Variants in NNT observed in about 807,000 individuals in gnomAD.
The protein encoded by NNT is NAD(P) transhydrogenase, mitochondrial.
Under a neutral mutation model 104.8 loss-of-function variants are expected in NNT, and 50 were observed. The observed-to-expected ratio is 0.48, with a 90% confidence interval of 0.38 to 0.60. The LOEUF is 0.60. Ranked by LOEUF, NNT falls within the 20% of genes least tolerant of loss-of-function variation. NNT has a pLI of 0.00. For synonymous variants in NNT, 461 were observed against 490.4 expected, an observed-to-expected ratio of 0.94 and a Z score of 0.79; for missense variants, 1,131 against 1,330.7, an observed-to-expected ratio of 0.85 and a Z score of 2.33.
Position 43,659,181 on chromosome 5 carries a change from T to C in NNT, c.2465T>C (p.Leu822Ser), listed in dbSNP as rs1438826441. 5 of 1,605,544 alleles carry C rather than the reference T, an allele frequency of 3.1e-6. No homozygotes were observed. Among genetic ancestry groups the C allele is most frequent in the Non-Finnish European group, 4.3e-6 (5 of 1,176,190 alleles). The change falls in exon 17 of 22, where the codon TTG becomes TCG. Residue 822 changes from leucine to serine, a missense_variant. Transcript: ENST00000344920. The part of the protein sequence containing the change: ...SALSAVMGVT[L>S]TAAIGGADMP... ...TGATTGTTGTTCTAGGGTGTGACTT[T>C]GACAGCTGCTATTGGGGGTGCTGAC...
At position 43,607,608 on chromosome 5, in the gene NNT, C is replaced by A. The variant is rs182089863; in HGVS notation, c.-53-1535C>A. Among the ~76,000 whole-genome samples the A allele has an allele frequency of 4.6e-3, 698 of 152,262 alleles. 20 individuals are homozygous for A. The highest frequency in any genetic ancestry group is 0.043 in the Admixed American group (654 of 15,298). ...CTCTTCACACGGACGTGCATAACAA[C>A]GCCCGGCTAATTTTTTGTATTTTTA... On this transcript the variant is annotated intron_variant, in intron 1 of 21. Coordinates refer to ENST00000344920, the MANE Select transcript of NNT (RefSeq NM_182977.3).
intron 7 of NNT, among the ~76,000 whole-genome samples, 189 bp from the exon 8 acceptor site, chr5:43,644,003 T>C (rs1222584199): frequency 6.6e-6 from 1 of 152,240 alleles, no homozygotes; most frequent in Non-Finnish European, 1.5e-5. Context: ...CTGCCTTTGC[T>C]GCTCACACTC....
intron 19 of NNT, among the ~76,000 whole-genome samples, chr5:43,679,705 G>A (rs921564569): frequency 2.6e-5 from 4 of 152,092 alleles, no homozygotes; most frequent in Admixed American, 6.6e-5. Flanking sequence ...CAGTGCTTGG[G>A]AAGAGTAATT....
chr5:43,689,355 T>A (rs187902644), intron 19 of NNT, among the ~76,000 whole-genome samples: 199 of 152,348 alleles, frequency 1.3e-3, no homozygotes, highest in South Asian at 0.01. Flanking sequence ...TGAACTCTGT[T>A]GATTATTATT....
intron 6 of NNT, 50 bp from the exon 7 acceptor site, chr5:43,628,149 CT>C (rs1750464309): frequency 8.7e-6 from 12 of 1,378,822 alleles, no homozygotes; most frequent in Admixed American, 5.2e-5. Context: ...ATCTTGACTT[CT>C]TTATTAGGGC....
intron 17 of NNT, among the ~76,000 whole-genome samples, chr5:43,664,764 C>G (rs55949408): frequency 0.072 from 10,977 of 152,038 alleles, 531 homozygotes; most frequent in Non-Finnish European, 0.11. Context: ...AGAGAAAGAA[C>G]CAAAACAAAA....
chr5:43,645,481 C>G lies in NNT; in HGVS notation c.1415C>G (p.Thr472Arg). ...KAATITPFRK[T>R]MSTASAYTAG... The stretch of plus-strand genomic sequence containing the variant: ...GCTACCATTACACCCTTCAGGAAGA[C>G]AATGTCAACGGCTTCTGCATATACA... Residue 472 changes from threonine to arginine, a missense_variant, in exon 10 of 22, where the codon ACA (threonine) becomes AGA (arginine). Transcript: ENST00000344920. 6.4e-7 allele frequency: 1 copy of G among 1,565,322 alleles called. No homozygotes were observed. Among genetic ancestry groups the G allele is most frequent in the Non-Finnish European group, 8.7e-7 (1 of 1,154,528 alleles).
chr5:43,685,095 A>C (rs1314345826), intron 19 of NNT, among the ~76,000 whole-genome samples: 1 of 152,236 alleles, frequency 6.6e-6, no homozygotes, highest in Non-Finnish European at 1.5e-5. Flanking sequence ...TTCCTACCTT[A>C]AGAAGCAGTT....
chr5:43,603,733 T>C (rs2111726634), intron 1 of NNT, among the ~76,000 whole-genome samples: 1 of 151,910 alleles, frequency 6.6e-6, no homozygotes, highest in East Asian at 1.9e-4. Flanking sequence ...GGGCGGTTCA[T>C]CCAGAGAGGT....
chr5:43,633,230 C>G (rs901892784), intron 7 of NNT, among the ~76,000 whole-genome samples: 8 of 152,304 alleles, frequency 5.3e-5, no homozygotes, highest in South Asian at 2.1e-4. Context: ...TAGTCTCCCA[C>G]TCCCCAATTA....
At chr5:43,701,102 T>C (rs1216318323) in intron 20 of NNT, among the ~76,000 whole-genome samples, 3 of 152,208 alleles carry the variant, frequency 2.0e-5, no homozygotes, top group Non-Finnish European at 4.4e-5. Context: ...TTTATTTTTA[T>C]GTATTTTTTT....
chr5:43,690,597 A>G (rs915859477), intron 19 of NNT, among the ~76,000 whole-genome samples: 3 of 152,222 alleles, frequency 2.0e-5, no homozygotes, highest in Non-Finnish European at 2.9e-5. Context: ...CTAGGGCAAC[A>G]TCATGTAGTT....
chr5:43,701,273 C>T (rs188395351), intron 20 of NNT, among the ~76,000 whole-genome samples: 64 of 152,150 alleles, frequency 4.2e-4, no homozygotes, highest in East Asian at 7.7e-4. Flanking sequence ...CTATTGTTGC[C>T]GTATTTATGT....
intron 17 of NNT, among the ~76,000 whole-genome samples, chr5:43,660,314 T>C (rs1561299445): frequency 6.6e-6 from 1 of 152,080 alleles, no homozygotes; most frequent in Non-Finnish European, 1.5e-5. Flanking sequence ...GATGGTTTTT[T>C]AAAAGAACAG....
chr5:43,651,330 A>C (rs1739747175), intron 12 of NNT, among the ~76,000 whole-genome samples: 1 of 152,188 alleles, frequency 6.6e-6, no homozygotes, highest in South Asian at 2.1e-4. Context: ...TGATCCCAGC[A>C]CTTTGGGAGG....
At chr5:43,634,476 G>A (rs1481108695) in intron 7 of NNT, among the ~76,000 whole-genome samples, 1 of 152,090 alleles carries the variant, frequency 6.6e-6, no homozygotes, top group Non-Finnish European at 1.5e-5. Context: ...TATTCTGTAT[G>A]CATTATGATC....
intron 18 of NNT, among the ~76,000 whole-genome samples, chr5:43,676,003 A>G (rs993240131): frequency 1.1e-4 from 17 of 152,180 alleles, no homozygotes; most frequent in Non-Finnish European, 2.2e-4. Context: ...TAGATATAGT[A>G]TATGAAAGTC....
rs115726525 is a variant in NNT, at chr5:43,617,302, A to G, written c.599+1237A>G. Among the ~76,000 whole-genome samples the G allele has an allele frequency of 3.1e-3, 466 of 152,346 alleles. 1 individual carries two copies. The highest frequency in any genetic ancestry group is 5.4e-3 in the Non-Finnish European group (368 of 68,038). On this transcript the variant is annotated intron_variant, in intron 4 of 21. Transcript: ENST00000344920. The stretch of plus-strand genomic sequence containing the variant: ...AATGAAATATTATGAGACAATATAA[A>G]TAAATCCAGTAAGAGCTGAGTAGCT...
At position 43,666,751 on chromosome 5, in the gene NNT, G is replaced by A. The variant is rs563581200; in HGVS notation, c.2634+7401G>A. The A allele has an allele frequency of 1.6e-4, 199 of 1,249,498 alleles. No homozygotes were observed. The African/African-American group carries it at 2.6e-3, about 17-fold the overall frequency. 77.4% of individuals were successfully genotyped at this position (1,249,498 alleles called of 1,614,324 possible). ...GTCGCACCAGTCCTTCTGTCCTCAC[G>A]TTGGCAGAGATATCTACTCTGAAGG... On this transcript the variant is annotated intron_variant, in intron 17 of 21. Coordinates refer to ENST00000344920, the MANE Select transcript of NNT (RefSeq NM_182977.3).
Sources: allele counts gnomAD v4.1 joint callset (sites outside exome capture counted in the v4.1 genomes callset), GRCh38; gene constraint gnomAD v4.1.1; transcripts MANE v1.5; gene names NCBI Gene and HGNC (gene_info 2026-07-23, HGNC 2026-07-21).